PCNX2: variants seen among roughly 807,000 people sequenced by gnomAD.
PCNX2 encodes pecanex-like protein 2.
In PCNX2, 168 loss-of-function variants were observed where a neutral mutation model predicts 223.8. The observed-to-expected ratio is 0.75, with a 90% CI of 0.66 to 0.85. The LOEUF (loss-of-function observed/expected upper bound fraction) is 0.85. PCNX2 is among the 40% of genes least tolerant of loss of function. The probability of loss-of-function intolerance (pLI) is 0.00; values close to 1 mark genes in which losing one functional copy is unlikely to be tolerated. For synonymous variants in PCNX2, 1,006 were observed against 1,052.6 expected, an observed-to-expected ratio of 0.96 and a Z score of 0.86; for missense variants, 2,507 against 2,675.5, an observed-to-expected ratio of 0.94 and a Z score of 1.39.
At chr1:233,141,498 T>A (rs912606445) in intron 19 of PCNX2, among the ~76,000 whole-genome samples, 4 of 152,078 alleles carry the variant, frequency 2.6e-5, no homozygotes, top group African/African-American at 9.7e-5. Context: ...GAAATCCGAC[T>A]CTACTAAAAA....
chr1:233,257,017 G>A (rs1352255253), intron 5 of PCNX2, among the ~76,000 whole-genome samples: 1 of 152,170 alleles, frequency 6.6e-6, no homozygotes, highest in Non-Finnish European at 1.5e-5. Flanking sequence ...ACAGATCTAT[G>A]TAGAAATGAT....
chr1:233,135,185 TC>T lies in PCNX2; in HGVS notation c.3664del (p.Asp1222ThrfsTer4). The T allele has an allele frequency of 6.2e-7, 1 of 1,612,958 alleles. No individual in the cohort carries two copies. Among genetic ancestry groups the T allele is most frequent in the Non-Finnish European group, 8.5e-7 (1 of 1,179,506 alleles). ...GCCAGCAATGATCATCAGAAAAATG[TC>T]CCAGCTGTTGGAAACAAAAGAAAAG... ...SNHRRLGTHW[D>X]IFLMIIAGMK... On this transcript the variant is annotated frameshift_variant, in exon 21 of 34. Transcript: ENST00000258229. LOFTEE classifies it high-confidence loss of function.
chr1:233,217,924 T>C lies in PCNX2; in HGVS notation c.2666A>G (p.Gln889Arg). ...SCQYSLLKSVQPDPASPIHGH... is the reference protein window; with the variant it reads ...SCQYSLLKSVRPDPASPIHGH... ...GTGTATTGGTGAGGCGGGGTCAGGC[T>C]GAACACTCTAAAACACAAATCAGAA... Residue 889 changes from glutamine to arginine, a missense_variant, in exon 12 of 34, where the codon CAG becomes CGG. Gln to Arg is a conservative substitution (Grantham distance 43). Around this residue, in one of 3 missense-constraint regions of PCNX2, gnomAD observed 104 missense variants for 144.4 expected, o/e 0.72. Coordinates refer to ENST00000258229, the MANE Select transcript of PCNX2 (RefSeq NM_014801.4). 1 of 1,613,924 alleles carries C rather than the reference T, an allele frequency of 6.2e-7. No individual in the cohort carries two copies. The highest frequency in any genetic ancestry group is 8.5e-7 in the Non-Finnish European group (1 of 1,179,886).
intron 21 of PCNX2, among the ~76,000 whole-genome samples, chr1:233,110,085 T>A (rs1273533909): frequency 1.3e-5 from 2 of 151,624 alleles, no homozygotes; most frequent in African/African-American, 4.9e-5. Context: ...GGAGACCCTG[T>A]CTCAAAAAAT....
At chr1:233,021,114 C>G (rs1326481967) in intron 26 of PCNX2, among the ~76,000 whole-genome samples, 4 of 152,072 alleles carry the variant, frequency 2.6e-5, no homozygotes, top group African/African-American at 9.7e-5. Flanking sequence ...TTTCCCTTAA[C>G]TAGCTGCACT....
At chr1:233,262,816 T>A in intron 2 of PCNX2, 142 bp downstream of exon 2, 1 of 754,082 alleles carries the variant, frequency 1.3e-6, no homozygotes, top group Admixed American at 2.9e-5. Flanking sequence ...ATTTTATGCT[T>A]AAGTATATGC....
At chr1:233,061,638 T>C (rs1672407730) in intron 23 of PCNX2, among the ~76,000 whole-genome samples, 1 of 152,256 alleles carries the variant, frequency 6.6e-6, no homozygotes, top group South Asian at 2.1e-4. Context: ...GCTTTCCTTC[T>C]ACTGGATTTT....
chr1:233,131,538 ACT>A (rs1232625768), intron 21 of PCNX2, among the ~76,000 whole-genome samples: 8 of 151,960 alleles, frequency 5.3e-5, no homozygotes, highest in African/African-American at 1.9e-4. Flanking sequence ...AATCACAAAC[ACT>A]CTCTTTCTTT....
chr1:233,198,841 A>G, intron 15 of PCNX2, 98 bp downstream of exon 15: 1 of 1,208,246 alleles, frequency 8.3e-7, no homozygotes, highest in Non-Finnish European at 1.2e-6. Flanking sequence ...CACAGATCCG[A>G]TTTCTCTTGT....
intron 21 of PCNX2, among the ~76,000 whole-genome samples, chr1:233,109,083 G>C (rs560434092): frequency 6.6e-6 from 1 of 152,196 alleles, no homozygotes; most frequent in Non-Finnish European, 1.5e-5. Flanking sequence ...GGAATTCAGG[G>C]TCCATGATGC....
At position 233,227,330 on chromosome 1, in the gene PCNX2, T is replaced by A. The variant is rs779308704; in HGVS notation, c.2400A>T (p.Thr800=). The A allele has an allele frequency of 6.2e-7, 1 of 1,613,794 alleles. No homozygotes were observed. Among genetic ancestry groups the A allele is most frequent in the African/African-American group, 1.3e-5 (1 of 75,016 alleles). Reference sequence around the variant, plus strand: ...ACTGCTCTCGGTTAAATTTTCCTTGTGTTGAAGAACATGACGAGGCTTCCA... The same window carrying A: ...ACTGCTCTCGGTTAAATTTTCCTTGAGTTGAAGAACATGACGAGGCTTCCA... ...QDLEASSCSS[T]QGKFNREQFY... is the part of the protein sequence containing the mutation. Residue 800 remains threonine (T), a synonymous_variant, in exon 10 of 34, where the codon ACA becomes ACT. Coordinates refer to ENST00000258229, the MANE Select transcript of PCNX2 (RefSeq NM_014801.4).
At chr1:233,265,834 T>C (rs1197546865) in intron 1 of PCNX2, among the ~76,000 whole-genome samples, 2 of 152,210 alleles carry the variant, frequency 1.3e-5, no homozygotes, top group Non-Finnish European at 2.9e-5. Context: ...AAAAATTGTA[T>C]AGGGCTCTTG....
intron 17 of PCNX2, among the ~76,000 whole-genome samples, chr1:233,175,019 C>A (rs949216687): frequency 6.6e-6 from 1 of 152,074 alleles, no homozygotes; most frequent in African/African-American, 2.4e-5. Context: ...CCAGATGAAT[C>A]AGAATATGGG....
Position 233,258,407 on chromosome 1 carries a change from T to A in PCNX2, c.1455A>T (p.Ser485=). Reference sequence around the variant, plus strand: ...ACACCGATTCCCAGGGTTCCCGTGATGAAGAACTGTGATCCTTGATGGCAT... The same window carrying A: ...ACACCGATTCCCAGGGTTCCCGTGAAGAAGAACTGTGATCCTTGATGGCAT... ...GGNAIKDHSS[S]SREPWESVSR... The change falls in exon 5 of 34, where the codon TCA becomes TCT. Residue 485 remains serine, a synonymous_variant. Coordinates refer to ENST00000258229, the MANE Select transcript of PCNX2 (RefSeq NM_014801.4). 1 of 1,613,992 alleles carries A rather than the reference T, an allele frequency of 6.2e-7. No individual in the cohort carries two copies. Among genetic ancestry groups the A allele is most frequent in the Non-Finnish European group, 8.5e-7 (1 of 1,179,886 alleles).
intron 15 of PCNX2, among the ~76,000 whole-genome samples, chr1:233,198,723 C>A (rs1034683297): frequency 4.1e-4 from 63 of 152,264 alleles, no homozygotes; most frequent in African/African-American, 1.5e-3. Context: ...AGAGGGGAGG[C>A]CAGGCCAGGA....
At position 233,259,025 on chromosome 1, in the gene PCNX2, C is replaced by T. The variant is rs767612016; in HGVS notation, c.837G>A (p.Glu279=). The change falls in exon 5 of 34, where the codon GAG becomes GAA. Residue 279 remains glutamate (E), a synonymous_variant. Coordinates refer to ENST00000258229, the MANE Select transcript of PCNX2 (RefSeq NM_014801.4). Reference sequence around the variant, plus strand: ...CAGGTTCTGGAATCAGGACTGAATTCTCACTCCCCCACGGCTGGAAAGAAA... The same window carrying T: ...CAGGTTCTGGAATCAGGACTGAATTTTCACTCCCCCACGGCTGGAAAGAAA... ...TDVSFQPWGS[E]NSVLIPEPVS... is the part of the protein sequence containing the mutation. The T allele has an allele frequency of 1.2e-6, 2 of 1,613,834 alleles. No homozygotes were observed. The highest frequency in any genetic ancestry group is 2.7e-5 in the African/African-American group (2 of 74,914).
rs760662776 is a variant in PCNX2 at position 233,236,847 on chromosome 1, G to T, written c.2356C>A (p.Arg786=). The T allele has an allele frequency of 3.1e-6, 5 of 1,613,656 alleles. No homozygotes were observed. The South Asian group carries it at 4.4e-5, about 14-fold the overall frequency. ...VARRTQSETP[R]HVSQDLEASS... ...CAGCAATTCTGGAATGTACGTACCC[G>T]TGGGGTTTCCGACTGGGTCCTGCGA... The change falls in exon 9 of 34, where the codon CGG becomes AGG. Residue 786 remains arginine, a splice_region_variant and synonymous_variant. Coordinates refer to ENST00000258229, the MANE Select transcript of PCNX2 (RefSeq NM_014801.4).
chr1:233,217,472 G>A (rs1252675708), intron 12 of PCNX2, among the ~76,000 whole-genome samples: 1 of 152,070 alleles, frequency 6.6e-6, no homozygotes, highest in African/African-American at 2.4e-5. Flanking sequence ...ATCCATGTAG[G>A]CATTTCCATT....
intron 15 of PCNX2, among the ~76,000 whole-genome samples, chr1:233,186,579 C>A (rs529548280): frequency 1.1e-3 from 168 of 152,282 alleles, no homozygotes; most frequent in Non-Finnish European, 2.1e-3. Context: ...CTTGAACACC[C>A]CAGAAGGGGC....
Sources: allele counts gnomAD v4.1 joint callset (sites outside exome capture counted in the v4.1 genomes callset), GRCh38; gene constraint gnomAD v4.1.1; regional missense constraint gnomAD v4.1.1; transcripts MANE v1.5; gene names NCBI Gene and HGNC (gene_info 2026-07-23, HGNC 2026-07-21).